Variants in ECM2 observed in about 807,000 individuals in gnomAD.
The protein encoded by ECM2 is extracellular matrix protein 2, female organ and adipocyte specific.
ECM2 carries 57 observed loss-of-function variants against 67.5 expected under a neutral mutation model. The ratio of observed to expected loss-of-function variants is 0.84; its 90% confidence interval spans 0.68 to 1.05. The LOEUF (loss-of-function observed/expected upper bound fraction) is 1.05, where lower values mean the gene tolerates loss of function less well. Among genes scored for constraint, ECM2 ranks in the 50% least tolerant of loss-of-function variants. The probability of loss-of-function intolerance (pLI) is 0.00; values close to 1 mark genes in which losing one functional copy is unlikely to be tolerated. For missense variants in ECM2, 741 were observed against 822.8 expected (o/e 0.90, Z 1.22); for synonymous variants, 258 against 294.5 (o/e 0.88, Z 1.27).
At chr9:92,558,319 G>A in the ECM2 span, among the ~76,000 whole-genome samples, 7 of 152,268 alleles carry the variant, frequency 4.6e-5, no homozygotes, top group African/African-American at 1.7e-4. Context: ...AGATTCTTTT[G>A]TCCCATGGGG....
At chr9:92,500,650 A>G (rs1275797414) in intron 9 of ECM2, 77 bp downstream of exon 9, 1 of 1,409,690 alleles carries the variant, frequency 7.1e-7, no homozygotes, top group African/African-American at 1.4e-5. Context: ...TAAATCCCAG[A>G]GATCATGTCA....
chr9:92,520,392 G>A (rs558443785), intron 2 of ECM2, among the ~76,000 whole-genome samples: 244 of 152,200 alleles, frequency 1.6e-3, no homozygotes, highest in Non-Finnish European at 2.8e-3. Flanking sequence ...TAGTTGTTAG[G>A]GAAATGCAAA....
At position 92,522,107 on chromosome 9, in the gene ECM2, G is replaced by T. The variant is rs147212845; in HGVS notation, c.292+468C>A. ...TGTTTTGTTTTGTTTTTAATCTCGA[G>T]ACGGAGTCTTGCTCTGTCGCCCAGG... is the stretch of plus-strand genomic sequence containing the variant. On this transcript the variant is annotated intron_variant, in intron 2 of 9. Transcript: ENST00000344604. Among the ~76,000 whole-genome samples, 1,127 of 152,132 alleles carry T rather than the reference G, an allele frequency of 7.4e-3. 15 individuals carry two copies. Among genetic ancestry groups the T allele is most frequent in the African/African-American group, 0.025 (1,044 of 41,476 alleles).
chr9:92,544,214 G>A, the ECM2 span, among the ~76,000 whole-genome samples: 1 of 152,290 alleles, frequency 6.6e-6, no homozygotes, highest in Non-Finnish European at 1.5e-5. Flanking sequence ...GGTGGCTCAC[G>A]CCTATAATCC....
rs191744945 is a variant in ECM2 at position 92,526,967 on chromosome 9, A to T, written c.-27-4074T>A. 1.9e-3 allele frequency among the ~76,000 whole-genome samples: 291 copies of T among 152,166 alleles called. 2 individuals carry two copies. The highest frequency in any genetic ancestry group is 6.7e-3 in the African/African-American group (276 of 41,496). On this transcript the variant is annotated intron_variant, in intron 1 of 9. Transcript: ENST00000344604. The stretch of plus-strand genomic sequence containing the variant: ...CATTTTTTAAATTATTTTAGACCAT[A>T]TTCTTACCATACCTTTCCTATGTGT...
At chr9:92,540,760 G>A (rs1345412423), upstream of ECM2, among the ~76,000 whole-genome samples, 3 of 139,188 alleles carry the variant, frequency 2.2e-5, no homozygotes, top group East Asian at 2.0e-4. Context: ...AACAGAGCAC[G>A]ACTCTGTCTC....
chr9:92,541,427 G>GCCCACACC (rs1849317532), upstream of ECM2, among the ~76,000 whole-genome samples: 1 of 16,956 alleles, frequency 5.9e-5, no homozygotes, highest in Admixed American at 5.1e-4. Context: ...TCCCCACCCC[G>GCCCACACC]CCCACACCCC....
At chr9:92,547,199 AAAG>A in the ECM2 span, among the ~76,000 whole-genome samples, 1 of 152,156 alleles carries the variant, frequency 6.6e-6, no homozygotes, top group African/African-American at 2.4e-5. Context: ...AGTGTTTTAA[AAAG>A]AATAAAGAAA....
the ECM2 span, among the ~76,000 whole-genome samples, chr9:92,551,790 G>C: frequency 1.1e-4 from 16 of 151,404 alleles, no homozygotes; most frequent in Admixed American, 1.1e-3. Context: ...TTCCATTCCT[G>C]AGTAACTTCA....
the ECM2 span, among the ~76,000 whole-genome samples, chr9:92,551,785 T>A: frequency 6.6e-6 from 1 of 151,734 alleles, no homozygotes; most frequent in Non-Finnish European, 1.5e-5. Context: ...TGGTTTTCCA[T>A]TCCTGAGTAA....
At chr9:92,549,656 AAAC>A in the ECM2 span, among the ~76,000 whole-genome samples, 1 of 144,298 alleles carries the variant, frequency 6.9e-6, no homozygotes, top group Non-Finnish European at 1.5e-5. Context: ...CAAAAAAAAA[AAAC>A]AAAACAAAAC....
chr9:92,536,626 T>C (rs1243321145), upstream of ECM2: 1 of 152,360 alleles, frequency 6.6e-6, no homozygotes, highest in African/African-American at 2.4e-5. Context: ...ATTAGTTGTG[T>C]ACTTTGGCCT....
In ECM2 at chr9:92,502,735, G is replaced by A. The variant is rs1846759033; in HGVS notation, c.1465-83C>T. 3 of 1,123,684 alleles carry A rather than the reference G, an allele frequency of 2.7e-6. No individual in the cohort carries two copies. The Admixed American group carries it at 8.3e-5, about 31-fold the overall frequency. The allele number at this position is 1,123,684 out of a possible 1,614,324, so 69.6% of individuals were successfully genotyped here. On this transcript the variant is annotated intron_variant, in intron 7 of 9. Coordinates refer to ENST00000344604, the MANE Select transcript of ECM2 (RefSeq NM_001393.4). The stretch of plus-strand genomic sequence containing the variant: ...TCATGGAGACTAAAATAGTGACATA[G>A]ACTATTATCATTAGTATTATCTAAA...
chr9:92,502,961 T>C (rs1846781510), intron 7 of ECM2, among the ~76,000 whole-genome samples: 1 of 151,928 alleles, frequency 6.6e-6, no homozygotes, highest in Non-Finnish European at 1.5e-5. Context: ...GTATGCGCCA[T>C]GAAGCCTGGC....
At chr9:92,506,167 A>G (rs1205027517) in intron 6 of ECM2, among the ~76,000 whole-genome samples, 1 of 152,214 alleles carries the variant, frequency 6.6e-6, no homozygotes, top group African/African-American at 2.4e-5. Context: ...AATGCAATGA[A>G]TGATTTCTTT....
upstream of ECM2, among the ~76,000 whole-genome samples, chr9:92,537,323 C>G (rs1849206219): frequency 1.3e-5 from 2 of 152,046 alleles, no homozygotes; most frequent in South Asian, 4.1e-4. Flanking sequence ...AATACATAAG[C>G]CACTCAACTT....
intron 1 of ECM2, among the ~76,000 whole-genome samples, chr9:92,531,589 C>T (rs1279199510): frequency 1.3e-5 from 2 of 151,974 alleles, no homozygotes; most frequent in African/African-American, 4.8e-5. Flanking sequence ...ATCAGCAATC[C>T]GTGGCCTCTA....
At chr9:92,549,813 C>T in the ECM2 span, among the ~76,000 whole-genome samples, 9 of 152,132 alleles carry the variant, frequency 5.9e-5, no homozygotes, top group East Asian at 1.9e-4. Context: ...CATAGATGTA[C>T]GTTCTGTCTC....
the ECM2 span, among the ~76,000 whole-genome samples, chr9:92,556,193 G>A: frequency 6.6e-6 from 1 of 152,134 alleles, no homozygotes; most frequent in African/African-American, 2.4e-5. Flanking sequence ...TATTTACATG[G>A]TTTTGAAGTT....
Sources: allele counts gnomAD v4.1 joint callset (sites outside exome capture counted in the v4.1 genomes callset), GRCh38; gene constraint gnomAD v4.1.1; transcripts MANE v1.5; gene names NCBI Gene and HGNC (gene_info 2026-07-23, HGNC 2026-07-21).